Variants in LRP1B observed in about 807,000 individuals in gnomAD.
LRP1B encodes the protein LDL receptor related protein 1B.
LRP1B carries 217 observed loss-of-function variants against 556.6 expected under a neutral mutation model. The ratio of observed to expected loss-of-function variants is 0.39; its 90% confidence interval spans 0.35 to 0.44. The LOEUF (loss-of-function observed/expected upper bound fraction) is 0.44. Among genes scored for constraint, LRP1B ranks in the 20% least tolerant of loss-of-function variants. The pLI, the probability that LRP1B is intolerant of heterozygous loss-of-function variation, is 1.00. For missense variants in LRP1B, 5,053 were observed against 5,620.8 expected, an observed-to-expected ratio of 0.90 and a Z score of 3.23; for synonymous variants, 2,047 against 1,865.8, an observed-to-expected ratio of 1.10 and a Z score of -2.50.
chr2:140,401,556 C>A (rs1246749234), intron 66 of LRP1B, among the ~76,000 whole-genome samples: 1 of 152,282 alleles, frequency 6.6e-6, no homozygotes, highest in East Asian at 1.9e-4. Context: ...CTGAGATAGG[C>A]CCTGCCTGGC....
chr2:141,400,958 C>T (rs889479460), intron 3 of LRP1B, among the ~76,000 whole-genome samples: 21 of 152,158 alleles, frequency 1.4e-4, no homozygotes, highest in Non-Finnish European at 2.1e-4. Flanking sequence ...TTAATACTCT[C>T]CTTTTCCAAT....
chr2:141,365,886 G>A (rs1165692152), intron 3 of LRP1B, among the ~76,000 whole-genome samples: 1 of 152,034 alleles, frequency 6.6e-6, no homozygotes, highest in East Asian at 1.9e-4. Context: ...TGTTAGCCAG[G>A]ATGGTCTTGA....
intron 2 of LRP1B, among the ~76,000 whole-genome samples, chr2:141,721,291 T>C (rs1049657998): frequency 2.6e-5 from 4 of 152,176 alleles, no homozygotes; most frequent in African/African-American, 9.6e-5. Flanking sequence ...AATCATTTGA[T>C]GGTGTTATTG....
chr2:141,621,019 C>T (rs1237309615), intron 2 of LRP1B, among the ~76,000 whole-genome samples: 2 of 152,060 alleles, frequency 1.3e-5, no homozygotes, highest in African/African-American at 4.8e-5. Context: ...ACAAAAACAG[C>T]TAAACCAGAG....
At chr2:140,485,841 G>GCGCGCA (rs1553473120) in intron 58 of LRP1B, among the ~76,000 whole-genome samples, 17 of 54,796 alleles carry the variant, frequency 3.1e-4, no homozygotes, top group African/African-American at 9.4e-4. Flanking sequence ...AAATTCTCAC[G>GCGCGCA]CACATACACA....
intron 1 of LRP1B, among the ~76,000 whole-genome samples, chr2:142,119,053 G>T (rs1574707168): frequency 6.6e-6 from 1 of 152,098 alleles, no homozygotes; most frequent in Admixed American, 6.6e-5. Context: ...AAACCTGCAA[G>T]TAAGCTCTTT....
At chr2:140,585,396 C>A (rs1345308974) in intron 43 of LRP1B, among the ~76,000 whole-genome samples, 1 of 152,066 alleles carries the variant, frequency 6.6e-6, no homozygotes, top group Non-Finnish European at 1.5e-5. Flanking sequence ...TTATTAATTT[C>A]TCCCACATCA....
At chr2:140,484,641 C>G (rs1027107876) in intron 59 of LRP1B, among the ~76,000 whole-genome samples, 2 of 152,132 alleles carry the variant, frequency 1.3e-5, no homozygotes, top group Non-Finnish European at 2.9e-5. Flanking sequence ...GTTATGTACA[C>G]TCTACTGAGC....
At chr2:141,186,024 A>G (rs2105186071) in intron 7 of LRP1B, among the ~76,000 whole-genome samples, 1 of 129,532 alleles carries the variant, frequency 7.7e-6, no homozygotes, top group East Asian at 2.7e-4. Context: ...GGTTGCAGTG[A>G]GAGGAGATTG....
Position 141,544,414 on chromosome 2 carries a change from T to TCCTC in LRP1B, c.206-63882_206-63881insGAGG, listed in dbSNP as rs1423875409. ...TCCTCCTCCTCCTCCTCCTCCTCCT[T>TCCTC]CTCCTCCTTCTCCTCCTTCTCCTCC... On this transcript the variant is annotated intron_variant, in intron 2 of 90. Transcript: ENST00000389484. Among the ~76,000 whole-genome samples the TCCTC allele has an allele frequency of 4.2e-3, 384 of 90,678 alleles. 30 individuals carry two copies. The East Asian group carries it at 0.051, about 12-fold the overall frequency. The allele number at this position is 90,678 out of a possible 152,430, so 59.5% of individuals were successfully genotyped here. A position where few individuals can be genotyped will look rare whatever the true frequency, so the allele number is the denominator to read the frequency against.
At chr2:141,834,790 AAAG>A (rs1477182194) in intron 1 of LRP1B, among the ~76,000 whole-genome samples, 2 of 151,956 alleles carry the variant, frequency 1.3e-5, no homozygotes, top group African/African-American at 2.4e-5. Context: ...GATGAAGAAA[AAAG>A]AAAAACTTTA....
intron 20 of LRP1B, among the ~76,000 whole-genome samples, chr2:140,947,136 T>A (rs2105294805): frequency 6.6e-6 from 1 of 151,932 alleles, no homozygotes; most frequent in East Asian, 1.9e-4. Flanking sequence ...CTCTTAACAA[T>A]AAACCTGCAA....
chr2:140,575,540 A>G (rs1205528748), intron 43 of LRP1B, among the ~76,000 whole-genome samples: 2 of 152,144 alleles, frequency 1.3e-5, no homozygotes, highest in African/African-American at 2.4e-5. Context: ...TACATATTTC[A>G]TAATTGGTTA....
At chr2:141,455,170 C>A (rs1681583411) in intron 3 of LRP1B, among the ~76,000 whole-genome samples, 1 of 151,496 alleles carries the variant, frequency 6.6e-6, no homozygotes, top group Non-Finnish European at 1.5e-5. Context: ...TGGTCAAAAA[C>A]CTTTGAAAAG....
chr2:140,268,096 A>G (rs1168152741), intron 86 of LRP1B, among the ~76,000 whole-genome samples: 1 of 151,888 alleles, frequency 6.6e-6, no homozygotes, highest in Non-Finnish European at 1.5e-5. Flanking sequence ...TTAGTGAGAC[A>G]GGGGCAGGAC....
intron 6 of LRP1B, among the ~76,000 whole-genome samples, chr2:141,210,250 G>A (rs1427779283): frequency 3.4e-5 from 5 of 148,916 alleles, no homozygotes; most frequent in Non-Finnish European, 4.5e-5. Context: ...GGAAATATAA[G>A]AAAAAAAAAT....
At chr2:140,431,177 C>T (rs934939965) in intron 66 of LRP1B, among the ~76,000 whole-genome samples, 5 of 152,088 alleles carry the variant, frequency 3.3e-5, no homozygotes, top group Admixed American at 1.3e-4. Context: ...ATATCCCTTA[C>T]GGTCCTCAGT....
intron 2 of LRP1B, among the ~76,000 whole-genome samples, chr2:141,626,703 A>C (rs1030320850): frequency 6.6e-6 from 1 of 152,232 alleles, no homozygotes; most frequent in African/African-American, 2.4e-5. Flanking sequence ...AAAGATGCTC[A>C]ACATCATGTA....
chr2:141,734,303 A>C (rs958027177), intron 2 of LRP1B, among the ~76,000 whole-genome samples: 4 of 152,130 alleles, frequency 2.6e-5, no homozygotes, highest in Non-Finnish European at 4.4e-5. Flanking sequence ...AATAGCAATA[A>C]ATTTAATTAA....
Sources: gnomAD v4.1 joint callset for allele counts (sites outside exome capture counted in the v4.1 genomes callset) on GRCh38, gnomAD v4.1.1 for gene constraint, MANE v1.5 for transcripts, NCBI Gene and HGNC (gene_info 2026-07-23, HGNC 2026-07-21) for gene names.